SLC1A6: variants seen among roughly 807,000 people sequenced by gnomAD.
SLC1A6 encodes solute carrier family 1 member 6.
In SLC1A6, 15 loss-of-function variants were observed where a neutral mutation model predicts 42.1. That is an observed-to-expected ratio of 0.36 (90% CI 0.24 to 0.55). The LOEUF (loss-of-function observed/expected upper bound fraction) is 0.55, where lower values mean the gene tolerates loss of function less well. Among genes scored for constraint, SLC1A6 ranks in the 20% least tolerant of loss-of-function variants. The pLI is 0.88. For missense variants in SLC1A6, 542 were observed against 772.5 expected (o/e 0.70, Z 3.54); for synonymous variants, 317 against 319.7 (o/e 0.99, Z 0.09).
At chr19:14,981,809 A>T (rs990155994), upstream of SLC1A6, among the ~76,000 whole-genome samples, 2 of 152,244 alleles carry the variant, frequency 1.3e-5, no homozygotes, top group African/African-American at 4.8e-5. Context: ...ACTAATTTCA[A>T]TAGAGAGGCA....
intron 1 of SLC1A6, among the ~76,000 whole-genome samples, chr19:15,008,070 G>A (rs2045905168): frequency 6.6e-6 from 1 of 150,746 alleles, no homozygotes; most frequent in Admixed American, 6.6e-5. Context: ...GAGTCTGGGT[G>A]CAGTGGCTCA....
chr19:14,952,820 G>T (rs1345076300), intron 9 of SLC1A6, 108 bp downstream of exon 9: 2 of 1,374,124 alleles, frequency 1.5e-6, no homozygotes, highest in African/African-American at 1.5e-5. Context: ...GAAAATTCTG[G>T]ACCACTGCAT....
chr19:15,006,953 A>T (rs147912741), intron 1 of SLC1A6, among the ~76,000 whole-genome samples: 11 of 152,072 alleles, frequency 7.2e-5, no homozygotes, highest in African/African-American at 2.7e-4. Context: ...ATCCTGTCTG[A>T]AAAAATAAAA....
chr19:14,955,954 T>A (rs944640312), intron 7 of SLC1A6, among the ~76,000 whole-genome samples: 1 of 151,806 alleles, frequency 6.6e-6, no homozygotes, highest in Admixed American at 6.6e-5. Flanking sequence ...AAAAAAAAAA[T>A]TCTTCCATCT....
chr19:14,965,653 C>G (rs1034801234), intron 4 of SLC1A6, among the ~76,000 whole-genome samples: 2 of 152,050 alleles, frequency 1.3e-5, no homozygotes, highest in African/African-American at 4.8e-5. Context: ...AGTTTGAGAC[C>G]AGCCTGGCCA....
upstream of SLC1A6, among the ~76,000 whole-genome samples, chr19:14,983,647 C>T (rs1291870736): frequency 1.4e-5 from 2 of 147,620 alleles, no homozygotes; most frequent in Non-Finnish European, 3.0e-5. Context: ...ATGATCGTAC[C>T]ACTGCACTCC....
chr19:14,953,485 G>A (rs1423395577), intron 8 of SLC1A6, among the ~76,000 whole-genome samples: 2 of 151,674 alleles, frequency 1.3e-5, no homozygotes, highest in Non-Finnish European at 2.9e-5. Flanking sequence ...TGACCACCTC[G>A]AACTCCTGAT....
At chr19:14,954,076 G>T in intron 8 of SLC1A6, 59 bp downstream of exon 8, 1 of 1,290,556 alleles carries the variant, frequency 7.7e-7, no homozygotes, top group Non-Finnish European at 1.1e-6. Context: ...AACCCTCCCA[G>T]CCAAGCTGAT....
At chr19:14,977,389 T>C (rs1162299221) in intron 1 of SLC1A6, 1 of 152,166 alleles carries the variant, frequency 6.6e-6, no homozygotes, top group Non-Finnish European at 1.5e-5. Context: ...GTTGAGTTGT[T>C]GGGACAGAGA....
chr19:14,992,608 A>G (rs1006293684), intron 1 of SLC1A6, among the ~76,000 whole-genome samples: 1 of 151,824 alleles, frequency 6.6e-6, no homozygotes, highest in Non-Finnish European at 1.5e-5. Context: ...CAGTGAGCCA[A>G]GATCATGCCA....
chr19:15,009,432 A>G (rs1271494624), intron 1 of SLC1A6, among the ~76,000 whole-genome samples: 1 of 152,170 alleles, frequency 6.6e-6, no homozygotes, highest in African/African-American at 2.4e-5. Flanking sequence ...GCCATAAAAA[A>G]CAGTGAAATC....
At chr19:14,950,475 G>T in intron 9 of SLC1A6, 85 bp from the exon 10 acceptor site, 1 of 1,036,896 alleles carries the variant, frequency 9.6e-7, no homozygotes, top group Non-Finnish European at 1.4e-6. Context: ...GGGTCCCTGT[G>T]CCAGGGAGTC....
chr19:14,966,547 TA>T (rs1159885817), intron 4 of SLC1A6, among the ~76,000 whole-genome samples: 1 of 152,048 alleles, frequency 6.6e-6, no homozygotes, highest in African/African-American at 2.4e-5. Flanking sequence ...ATAATAAAAA[TA>T]AAAAATCAAA....
chr19:14,980,501 C>T (rs563768054), upstream of SLC1A6, among the ~76,000 whole-genome samples: 1 of 152,180 alleles, frequency 6.6e-6, no homozygotes, highest in East Asian at 1.9e-4. Flanking sequence ...TGAATAAAAA[C>T]TCAGTGCAGG....
At chr19:14,977,484 A>G (rs1197191192) in intron 1 of SLC1A6, 1 of 152,228 alleles carries the variant, frequency 6.6e-6, no homozygotes, top group East Asian at 1.9e-4. Context: ...AGCAGACAGC[A>G]CTTAGCATCT....
chr19:14,996,564 C>T (rs1418655876), intron 1 of SLC1A6, among the ~76,000 whole-genome samples: 2 of 149,518 alleles, frequency 1.3e-5, no homozygotes, highest in African/African-American at 4.9e-5. Context: ...TCTTCTTGTT[C>T]TTCTTCCTCT....
upstream of SLC1A6, among the ~76,000 whole-genome samples, chr19:14,981,306 GAAAGA>G (rs2045766322): frequency 1.3e-5 from 2 of 151,388 alleles, no homozygotes; most frequent in African/African-American, 4.9e-5. Flanking sequence ...AAAAAAAAAG[GAAAGA>G]AAAGAAAAGA....
intron 4 of SLC1A6, 28 bp from the exon 5 acceptor site, chr19:14,964,389 G>A (rs754388773): frequency 1.4e-5 from 23 of 1,607,572 alleles, no homozygotes; most frequent in Non-Finnish European, 1.6e-5. Flanking sequence ...AAGAAGGAAA[G>A]TGGTTAGACC....
At chr19:15,003,654 T>C (rs1454532461) in intron 1 of SLC1A6, among the ~76,000 whole-genome samples, 3 of 97,926 alleles carry the variant, frequency 3.1e-5, no homozygotes, top group Non-Finnish European at 6.0e-5. Context: ...CATCTCCATG[T>C]AATGCCAAAA....
Sources: gnomAD v4.1 joint callset for allele counts (sites outside exome capture counted in the v4.1 genomes callset) on GRCh38, gnomAD v4.1.1 for gene constraint, MANE v1.5 for transcripts, NCBI Gene and HGNC (gene_info 2026-07-23, HGNC 2026-07-21) for gene names.